PICALM: variants seen among roughly 807,000 people sequenced by gnomAD.
The protein encoded by PICALM is phosphatidylinositol-binding clathrin assembly protein.
PICALM carries 40 observed loss-of-function variants against 80.5 expected under a neutral mutation model. The ratio of observed to expected loss-of-function variants is 0.50; its 90% CI spans 0.39 to 0.65. The LOEUF (loss-of-function observed/expected upper bound fraction) is 0.65. Ranked by LOEUF, PICALM falls within the 30% of genes least tolerant of loss-of-function variation. The pLI is 0.00. For synonymous variants in PICALM, 288 were observed against 260.3 expected (o/e 1.11, Z -1.02); for missense variants, 676 against 778.9 (o/e 0.87, Z 1.57).
intron 2 of PICALM, 63 bp from the exon 3 acceptor site, chr11:86,026,430 T>G: frequency 1.1e-6 from 1 of 935,086 alleles, no homozygotes; most frequent in Non-Finnish European, 1.7e-6. Context: ...ATTCGAAAAT[T>G]AGGAGGAAAA....
intron 1 of PICALM, among the ~76,000 whole-genome samples, chr11:86,050,798 T>G (rs1296287204): frequency 1.3e-5 from 2 of 150,794 alleles, no homozygotes; most frequent in African/African-American, 2.4e-5. Flanking sequence ...TTAATAAAGG[T>G]AGAAAGAAAC....
intron 2 of PICALM, among the ~76,000 whole-genome samples, chr11:86,029,741 T>C (rs2095716174): frequency 6.6e-6 from 1 of 152,230 alleles, no homozygotes; most frequent in African/African-American, 2.4e-5. Context: ...GAAAAGTACA[T>C]ACACGCTTGG....
intron 14 of PICALM, 42 bp downstream of exon 14, chr11:85,983,824 T>C (rs2094507759): frequency 3.8e-6 from 3 of 794,458 alleles, no homozygotes; most frequent in Non-Finnish European, 6.3e-6. Context: ...AGAATCTAAA[T>C]TAGGACATTA....
intron 1 of PICALM, among the ~76,000 whole-genome samples, chr11:86,060,937 A>C (rs1290647190): frequency 6.6e-6 from 1 of 152,212 alleles, no homozygotes; most frequent in Non-Finnish European, 1.5e-5. Flanking sequence ...GAACTGCTAA[A>C]CTGGACTTCA....
intron 7 of PICALM, among the ~76,000 whole-genome samples, chr11:86,009,009 A>C (rs2095338541): frequency 1.3e-5 from 2 of 151,640 alleles, no homozygotes; most frequent in Non-Finnish European, 2.9e-5. Flanking sequence ...ATTTTTCTTA[A>C]ATCATATGGA....
chr11:86,050,377 C>T (rs1271764294), intron 1 of PICALM, among the ~76,000 whole-genome samples: 2 of 151,948 alleles, frequency 1.3e-5, no homozygotes, highest in African/African-American at 2.4e-5. Context: ...TAATGGTTGT[C>T]ACTGGTACAC....
chr11:86,050,734 C>T (rs1276126322), intron 1 of PICALM, among the ~76,000 whole-genome samples: 1 of 152,180 alleles, frequency 6.6e-6, no homozygotes, highest in East Asian at 1.9e-4. Context: ...GCTCCTTACA[C>T]ACCCTCAGCT....
chr11:86,000,719 G>A lies in PICALM; in HGVS notation c.1078C>T (p.Pro360Ser). The change falls in exon 11 of 20, where the codon CCT (proline) becomes TCT (serine). Residue 360 changes from proline to serine, a missense_variant. Coordinates refer to ENST00000393346, the MANE Select transcript of PICALM (RefSeq NM_007166.4). ...ATCCCTCCTGCTGAGGTGGATACAG[G>A]AGAGGCTGCAGTTGTTAAAGAGGTA... ...PHTSLTTAAS[P>S]VSTSAGGIMT... is the part of the protein sequence containing the mutation. 1 of 1,612,850 alleles carries A rather than the reference G, an allele frequency of 6.2e-7. No individual in the cohort carries two copies.
rs900306092 is a variant in PICALM, at chr11:85,981,961, G to C, written c.1559C>G (p.Ser520Cys). The C allele has an allele frequency of 6.2e-7, 1 of 1,612,970 alleles. No individual in the cohort carries two copies. The highest frequency in any genetic ancestry group is 2.2e-5 in the East Asian group (1 of 44,876). ...LGGLLKPTVA[S>C]QNQNLPVAKL... Reference sequence around the variant, plus strand: ...GGCAACAGGAAGGTTCTGGTTCTGAGAGGCCACTGTTGGTTTGAGAAGTCC... The same window carrying C: ...GGCAACAGGAAGGTTCTGGTTCTGACAGGCCACTGTTGGTTTGAGAAGTCC... The change falls in exon 15 of 20, where the codon TCT becomes TGT. Residue 520 changes from serine (S) to cysteine (C), a missense_variant. Physicochemically the swap from Ser to Cys is moderately radical, Grantham distance 112 (BLOSUM62 -1). Around this residue, in one of 2 missense-constraint regions of PICALM, gnomAD observed 391 missense variants for 383.6 expected, o/e 1.02. Transcript: ENST00000393346.
intron 13 of PICALM, among the ~76,000 whole-genome samples, chr11:85,986,505 C>G (rs1385816049): frequency 6.6e-6 from 1 of 150,584 alleles, no homozygotes; most frequent in African/African-American, 2.4e-5. Flanking sequence ...ATTCTCCTGC[C>G]TCAGCCTCCC....
chr11:86,020,473 A>T (rs1366652275), intron 4 of PICALM, among the ~76,000 whole-genome samples: 2 of 151,908 alleles, frequency 1.3e-5, no homozygotes, highest in African/African-American at 4.8e-5. Flanking sequence ...ACACGTTCTA[A>T]TTTTAAAACA....
chr11:86,048,952 G>T (rs1016626725), intron 1 of PICALM, among the ~76,000 whole-genome samples: 1 of 151,844 alleles, frequency 6.6e-6, no homozygotes, highest in African/African-American at 2.4e-5. Flanking sequence ...GATAATGTGG[G>T]TATATCTTCC....
At chr11:85,985,161 C>A (rs544854106) in intron 13 of PICALM, among the ~76,000 whole-genome samples, 2 of 152,274 alleles carry the variant, frequency 1.3e-5, no homozygotes, top group East Asian at 3.9e-4. Flanking sequence ...CTCCTCTATT[C>A]AGGTCAGAAT....
At chr11:86,000,900 C>A in intron 10 of PICALM, 121 bp from the exon 11 acceptor site, 1 of 1,484,174 alleles carries the variant, frequency 6.7e-7, no homozygotes, top group Non-Finnish European at 9.1e-7. Flanking sequence ...AATTCTATGT[C>A]AGGACGAAAA....
intron 12 of PICALM, among the ~76,000 whole-genome samples, chr11:85,993,315 G>A (rs1331795270): frequency 2.6e-5 from 4 of 151,984 alleles, no homozygotes; most frequent in African/African-American, 4.8e-5. Context: ...TCGAACTCCT[G>A]GGCTCAAATA....
chr11:85,963,540 TACAG>T (rs2093763288), intron 19 of PICALM, among the ~76,000 whole-genome samples: 1 of 152,224 alleles, frequency 6.6e-6, no homozygotes, highest in Non-Finnish European at 1.5e-5. Flanking sequence ...AATGGTCCAA[TACAG>T]ACATAGTCTT....
At chr11:86,025,139 C>T (rs1806840517) in intron 3 of PICALM, among the ~76,000 whole-genome samples, 1 of 152,134 alleles carries the variant, frequency 6.6e-6, no homozygotes, top group Non-Finnish European at 1.5e-5. Context: ...TGGTGGCTCA[C>T]GCCTGTAATC....
rs1009541161 is a variant in PICALM, at chr11:85,978,167, TAC to T, written c.1780-1487_1780-1486del. 7.2e-6 allele frequency: 9 copies of T among 1,250,104 alleles called. No homozygotes were observed. In the African/African-American group the frequency reaches 8.8e-5, roughly 12 times the overall value. 77.4% of individuals were successfully genotyped at this position (1,250,104 alleles called of 1,614,324 possible). On this transcript the variant is annotated intron_variant, in intron 17 of 19. Transcript: ENST00000393346. ...GAACAAGTACTTACACAACAGAAAA[TAC>T]ACAGAGAGCATTTTAGTTCACATGT...
At chr11:86,033,375 C>G (rs545089009) in intron 1 of PICALM, among the ~76,000 whole-genome samples, 1 of 151,994 alleles carries the variant, frequency 6.6e-6, no homozygotes, top group South Asian at 2.1e-4. Context: ...GTTCTTCCCC[C>G]CACTGCATCA....
Sources: allele counts gnomAD v4.1 joint callset (sites outside exome capture counted in the v4.1 genomes callset), GRCh38; gene constraint gnomAD v4.1.1; regional missense constraint gnomAD v4.1.1; transcripts MANE v1.5; gene names NCBI Gene and HGNC (gene_info 2026-07-23, HGNC 2026-07-21).